Variants in IL2RA observed in about 807,000 individuals in gnomAD.
IL2RA encodes the protein interleukin 2 receptor subunit alpha.
A neutral mutation model predicts 37.8 loss-of-function variants in IL2RA; 24 were observed. The observed-to-expected ratio is 0.63, with a 90% confidence interval of 0.46 to 0.89. The LOEUF (loss-of-function observed/expected upper bound fraction) is 0.89. IL2RA is among the 40% of genes least tolerant of loss of function. The probability of loss-of-function intolerance (pLI) is 0.00; values close to 1 mark genes in which losing one functional copy is unlikely to be tolerated. For missense variants in IL2RA, 319 were observed against 348.6 expected (o/e 0.92, Z 0.68); for synonymous variants, 125 against 114.6 (o/e 1.09, Z -0.58).
intron 1 of IL2RA, among the ~76,000 whole-genome samples, chr10:6,051,018 T>G (rs2132894700): frequency 1.3e-5 from 2 of 151,610 alleles, no homozygotes; most frequent in Middle Eastern, 3.5e-3. Context: ...GACAGATGTC[T>G]GGAGAGACGG....
chr10:6,031,468 A>G (rs866761807), intron 1 of IL2RA, among the ~76,000 whole-genome samples: 3 of 20,868 alleles, frequency 1.4e-4, no homozygotes, highest in South Asian at 1.6e-3. Flanking sequence ...ATATATATAT[A>G]TATATATATA....
Position 6,025,655 on chromosome 10 carries a change from C to G in IL2RA, c.256+179G>C, listed in dbSNP as rs944630886. On this transcript the variant is annotated intron_variant, in intron 2 of 7. Coordinates refer to ENST00000379959, the MANE Select transcript of IL2RA (RefSeq NM_000417.3). The surrounding 1 kb of genome is among the most constrained non-coding windows in gnomAD (Gnocchi z 4.4). ...CCTAGGCAACAGAGTGAGAGTCTGT[C>G]TCCAAAAAAAAAAAAAATTGTGTTT... is the stretch of plus-strand genomic sequence containing the variant. 6.7e-6 allele frequency among the ~76,000 whole-genome samples: 1 copy of G among 148,492 alleles called. No homozygotes were observed. The highest frequency in any genetic ancestry group is 2.5e-5 in the African/African-American group (1 of 40,274).
chr10:6,045,058 C>T (rs747803273), intron 1 of IL2RA, among the ~76,000 whole-genome samples: 35 of 152,160 alleles, frequency 2.3e-4, no homozygotes, highest in African/African-American at 5.8e-4. Context: ...CTGATTCCCT[C>T]GGGAAAGGAG....
At chr10:6,051,838 T>G (rs1346630175) in intron 1 of IL2RA, among the ~76,000 whole-genome samples, 3,303 of 123,640 alleles carry the variant, frequency 0.027, 633 homozygotes, top group East Asian at 0.25. Context: ...TATATATATA[T>G]ATATAGAATT....
rs1839409377 is a variant in IL2RA at position 6,022,799 on chromosome 10, C to G, written c.368-1106G>C. On this transcript the variant is annotated intron_variant, in intron 3 of 7. Coordinates refer to ENST00000379959, the MANE Select transcript of IL2RA (RefSeq NM_000417.3). This position sits in a 1 kb window ranked among gnomAD's most constrained non-coding sequence, Gnocchi z 4.7. ...GACAATCTTTGAAACATCCCTCAGG[C>G]AGAGCCAGCCTTCGAGAAAGGACAA... Among the ~76,000 whole-genome samples the G allele has an allele frequency of 6.6e-6, 1 of 151,266 alleles. No individual in the cohort carries two copies. The highest frequency in any genetic ancestry group is 1.5e-5 in the Non-Finnish European group (1 of 67,582).
rs1313575508 is a variant in IL2RA, at chr10:6,028,710, C to G, written c.65-2685G>C. On this transcript the variant is annotated intron_variant, in intron 1 of 7. Coordinates refer to ENST00000379959, the MANE Select transcript of IL2RA (RefSeq NM_000417.3). This position sits in a 1 kb window ranked among gnomAD's most constrained non-coding sequence, Gnocchi z 4.1. ...AAAAAAGTGCTCAATAGAAACAGAC[C>G]CGTAAAATTGGGTGTGGTGGCTCAT... is the stretch of plus-strand genomic sequence containing the variant. Among the ~76,000 whole-genome samples the G allele has an allele frequency of 2.0e-5, 3 of 152,032 alleles. No individual in the cohort carries two copies. Among genetic ancestry groups the G allele is most frequent in the Non-Finnish European group, 2.9e-5 (2 of 67,978 alleles).
At chr10:6,017,988 G>T in intron 7 of IL2RA, 65 bp downstream of exon 7, 1 of 1,305,494 alleles carries the variant, frequency 7.7e-7, no homozygotes, top group Non-Finnish European at 1.1e-6. Flanking sequence ...TAGGGGGGAG[G>T]CAGGGTGGGG....
Position 6,012,947 on chromosome 10 carries a change from A to C in IL2RA, c.795-51T>G, listed in dbSNP as rs1343683173. On this transcript the variant is annotated intron_variant, in intron 7 of 7. Transcript: ENST00000379959. This position sits in a 1 kb window ranked among gnomAD's most constrained non-coding sequence, Gnocchi z 4.8. ...TCATATGTGTAACACGGCACCAAAA[A>C]AATGTGGTCCTCACTCTAAACCAGT... 1 of 1,589,824 alleles carries C rather than the reference A, an allele frequency of 6.3e-7. No individual in the cohort carries two copies. Among genetic ancestry groups the C allele is most frequent in the Non-Finnish European group, 8.6e-7 (1 of 1,158,298 alleles).
At chr10:6,038,497 T>C (rs1043174551) in intron 1 of IL2RA, among the ~76,000 whole-genome samples, 5 of 152,196 alleles carry the variant, frequency 3.3e-5, no homozygotes, top group African/African-American at 1.2e-4. Flanking sequence ...TCATCCCCAC[T>C]TTAGAAAGCA....
At chr10:6,045,020 G>A (rs1334031983) in intron 1 of IL2RA, among the ~76,000 whole-genome samples, 1 of 152,246 alleles carries the variant, frequency 6.6e-6, no homozygotes, top group Non-Finnish European at 1.5e-5. Context: ...GGGATTTAAG[G>A]AAGTTGCTGT....
rs1412798607 is a variant in IL2RA at position 6,018,268 on chromosome 10, C to G, written c.728-149G>C. ...TCCCTGTCTCAGGAAGTAGGTCCCTCCCCATGGGATTTCCTAGGAGTCTTG... is the reference window on the plus strand; with the variant it reads ...TCCCTGTCTCAGGAAGTAGGTCCCTGCCCATGGGATTTCCTAGGAGTCTTG... On this transcript the variant is annotated intron_variant, in intron 6 of 7. Coordinates refer to ENST00000379959, the MANE Select transcript of IL2RA (RefSeq NM_000417.3). This position sits in a 1 kb window ranked among gnomAD's most constrained non-coding sequence, Gnocchi z 5.1. 2 of 692,586 alleles carry G rather than the reference C, an allele frequency of 2.9e-6. No homozygotes were observed. The highest frequency in any genetic ancestry group is 3.5e-5 in the African/African-American group (2 of 56,664). 42.9% of individuals were successfully genotyped at this position (692,586 alleles called of 1,614,324 possible). A position where few individuals can be genotyped will look rare whatever the true frequency, so the allele number is the denominator to read the frequency against.
intron 1 of IL2RA, 67 bp from the exon 2 acceptor site, chr10:6,026,092 T>G: frequency 6.8e-7 from 1 of 1,462,004 alleles, no homozygotes; most frequent in Non-Finnish European, 9.6e-7. Flanking sequence ...TATTTAATCC[T>G]ATAATGACTT....
At chr10:6,032,920 C>T (rs1839623164) in intron 1 of IL2RA, among the ~76,000 whole-genome samples, 1 of 151,978 alleles carries the variant, frequency 6.6e-6, no homozygotes, top group Non-Finnish European at 1.5e-5. Flanking sequence ...CATCAGATAT[C>T]AATAAAATGC....
intron 5 of IL2RA, 114 bp from the exon 6 acceptor site, chr10:6,019,613 C>T: frequency 1.2e-6 from 1 of 858,430 alleles, no homozygotes; most frequent in South Asian, 1.3e-5. Flanking sequence ...TGGTGGGAGA[C>T]ACGTGGTGGT....
At position 6,046,186 on chromosome 10, in the gene IL2RA, G is replaced by T. The variant is rs1024401924; in HGVS notation, c.64+15902C>A. 6.6e-6 allele frequency among the ~76,000 whole-genome samples: 1 copy of T among 152,164 alleles called. No individual in the cohort carries two copies. The highest frequency in any genetic ancestry group is 1.5e-5 in the Non-Finnish European group (1 of 68,034). ...CTCCGTTTTACACAAGACACACATT[G>T]CATACACTGTGTGTTGTTGACAGGG... On this transcript the variant is annotated intron_variant, in intron 1 of 7. Coordinates refer to ENST00000379959, the MANE Select transcript of IL2RA (RefSeq NM_000417.3). This position sits in a 1 kb window ranked among gnomAD's most constrained non-coding sequence, Gnocchi z 4.8.
At position 6,047,316 on chromosome 10, in the gene IL2RA, A is replaced by G. The variant is rs1839879268; in HGVS notation, c.64+14772T>C. On this transcript the variant is annotated intron_variant, in intron 1 of 7. Coordinates refer to ENST00000379959, the MANE Select transcript of IL2RA (RefSeq NM_000417.3). This position sits in a 1 kb window ranked among gnomAD's most constrained non-coding sequence, Gnocchi z 5.0. ...GGGTCAGGAGTGTGGCCTGTGCCAC[A>G]CTCAGAACGCGGGATGAACATAGAG... Among the ~76,000 whole-genome samples the G allele has an allele frequency of 6.6e-6, 1 of 152,192 alleles. No homozygotes were observed.
intron 1 of IL2RA, among the ~76,000 whole-genome samples, chr10:6,053,989 C>T (rs1217576796): frequency 1.3e-5 from 2 of 152,242 alleles, no homozygotes; most frequent in South Asian, 2.1e-4. Flanking sequence ...GCAGGCCCCT[C>T]TACTGGCACA....
intron 1 of IL2RA, among the ~76,000 whole-genome samples, chr10:6,061,749 T>C (rs1207878866): frequency 6.6e-6 from 1 of 152,092 alleles, no homozygotes; most frequent in South Asian, 2.1e-4. Context: ...TAAAAGGAAA[T>C]TCATTGAAGA....
Position 6,018,169 on chromosome 10 carries a change from G to A in IL2RA, c.728-50C>T, listed in dbSNP as rs1194045496. 1 of 1,485,550 alleles carries A rather than the reference G, an allele frequency of 6.7e-7. No homozygotes were observed. The highest frequency in any genetic ancestry group is 1.4e-5 in the African/African-American group (1 of 72,246). The allele number at this position is 1,485,550 out of a possible 1,614,324, so 92.0% of individuals were successfully genotyped here. On this transcript the variant is annotated intron_variant, in intron 6 of 7. Transcript: ENST00000379959. The surrounding 1 kb of genome is among the most constrained non-coding windows in gnomAD (Gnocchi z 5.1). Reference sequence around the variant, plus strand: ...GCAAAGGGCCCTGGGCTTGGCATGGGGGCAGCAGGAGCCAGGGCCACAGGG... The same window carrying A: ...GCAAAGGGCCCTGGGCTTGGCATGGAGGCAGCAGGAGCCAGGGCCACAGGG...
Sources: allele counts gnomAD v4.1 joint callset (sites outside exome capture counted in the v4.1 genomes callset), GRCh38; gene constraint gnomAD v4.1.1; non-coding constraint Gnocchi (gnomAD v3.1); transcripts MANE v1.5; gene names NCBI Gene and HGNC (gene_info 2026-07-23, HGNC 2026-07-21).